SHISA6: variants seen among roughly 807,000 people sequenced by gnomAD.
SHISA6 encodes protein shisa-6.
SHISA6 carries 22 observed loss-of-function variants against 47.9 expected under a neutral mutation model. The observed-to-expected ratio is 0.46, with a 90% CI of 0.33 to 0.66. The LOEUF is 0.66. SHISA6 is among the 30% of genes least tolerant of loss of function. The pLI is 0.02. For synonymous variants in SHISA6, 388 were observed against 337.8 expected (o/e 1.15, Z -1.63); for missense variants, 680 against 764.6 (o/e 0.89, Z 1.30).
intron 2 of SHISA6, among the ~76,000 whole-genome samples, chr17:11,369,182 G>A (rs568776824): frequency 6.6e-6 from 1 of 152,266 alleles, no homozygotes; most frequent in Admixed American, 6.5e-5. Context: ...TGCAAGTATG[G>A]TGGAATGAAA....
In SHISA6 at chr17:11,342,558, C is replaced by T. The variant is rs557275697; in HGVS notation, c.800-36856C>T. On this transcript the variant is annotated intron_variant, in intron 2 of 5. Transcript: ENST00000441885. ...GATAGTAAGAGGATAAAGATGTTCC[C>T]AAATGCACTGATAAAGTTTTTAAAC... is the stretch of plus-strand genomic sequence containing the variant. Among the ~76,000 whole-genome samples the T allele has an allele frequency of 3.3e-5, 5 of 152,300 alleles. No individual in the cohort carries two copies. In the East Asian group the frequency reaches 7.7e-4, roughly 24 times the overall value.
intron 1 of SHISA6, among the ~76,000 whole-genome samples, chr17:11,249,257 C>A (rs1296428061): frequency 6.6e-6 from 1 of 151,900 alleles, no homozygotes; most frequent in East Asian, 1.9e-4. Context: ...CTGTGAGAGG[C>A]CAGAGACCTC....
At chr17:11,347,836 T>G (rs205048) in intron 2 of SHISA6, among the ~76,000 whole-genome samples, 2 of 152,234 alleles carry the variant, frequency 1.3e-5, no homozygotes, top group East Asian at 3.9e-4. Flanking sequence ...ACAGCTGAGG[T>G]CACTCAGAGC....
intron 2 of SHISA6, among the ~76,000 whole-genome samples, chr17:11,266,955 T>G (rs1485497037): frequency 6.6e-6 from 1 of 152,164 alleles, no homozygotes; most frequent in Non-Finnish European, 1.5e-5. Context: ...GCAGTAATAA[T>G]GAAAACAATA....
intron 3 of SHISA6, among the ~76,000 whole-genome samples, chr17:11,529,168 G>A (rs773925739): frequency 3.3e-5 from 5 of 151,628 alleles, no homozygotes; most frequent in African/African-American, 9.7e-5. Flanking sequence ...ACTCCAGCCT[G>A]GGTGACAGTG....
chr17:11,267,961 C>T (rs532938008), intron 2 of SHISA6, among the ~76,000 whole-genome samples: 1 of 152,270 alleles, frequency 6.6e-6, no homozygotes, highest in South Asian at 2.1e-4. Flanking sequence ...ACCTTAGAGG[C>T]TTGCTGTGGG....
At chr17:11,362,562 C>T (rs926397375) in intron 2 of SHISA6, among the ~76,000 whole-genome samples, 2 of 152,230 alleles carry the variant, frequency 1.3e-5, no homozygotes, top group Admixed American at 6.5e-5. Context: ...CGAAAGACCA[C>T]AGCCTTTGGA....
rs893603127 is a variant in SHISA6, at chr17:11,258,533, C to A, written c.639-4833C>A. Among the ~76,000 whole-genome samples, 4 of 152,210 alleles carry A rather than the reference C, an allele frequency of 2.6e-5. No homozygotes were observed. The East Asian group carries it at 7.7e-4, about 29-fold the overall frequency. ...TGGGACAAAAAATAATCCAAGTTTTCATTTTGGTGCTCTTTCACCATATTT... is the reference window on the plus strand; with the variant it reads ...TGGGACAAAAAATAATCCAAGTTTTAATTTTGGTGCTCTTTCACCATATTT... On this transcript the variant is annotated intron_variant, in intron 1 of 5. Transcript: ENST00000441885.
At chr17:11,428,777 T>TTC (rs764261936) in intron 3 of SHISA6, among the ~76,000 whole-genome samples, 2 of 146,252 alleles carry the variant, frequency 1.4e-5, no homozygotes, top group Non-Finnish European at 3.0e-5. Context: ...AGGATCCACT[T>TTC]TCTTTTTTTT....
At chr17:11,266,828 G>A (rs764572945) in intron 2 of SHISA6, among the ~76,000 whole-genome samples, 1 of 152,208 alleles carries the variant, frequency 6.6e-6, no homozygotes, top group Non-Finnish European at 1.5e-5. Flanking sequence ...CCTTCCTGTG[G>A]TTGGCTCCTG....
At chr17:11,392,540 C>G (rs1034864846) in intron 3 of SHISA6, among the ~76,000 whole-genome samples, 3 of 152,180 alleles carry the variant, frequency 2.0e-5, no homozygotes, top group African/African-American at 7.2e-5. Flanking sequence ...CATGTGATCT[C>G]CATACACACC....
intron 3 of SHISA6, among the ~76,000 whole-genome samples, chr17:11,531,758 G>A (rs1407722302): frequency 1.3e-5 from 2 of 152,162 alleles, no homozygotes; most frequent in African/African-American, 4.8e-5. Flanking sequence ...ATAAGCTTTA[G>A]TGATCCACTG....
At chr17:11,444,721 G>A (rs3111838) in intron 3 of SHISA6, among the ~76,000 whole-genome samples, 102,429 of 152,146 alleles carry the variant, frequency 0.67, 34,803 homozygotes, top group African/African-American at 0.75. Flanking sequence ...AGAAGGAACC[G>A]AGATTTATTT....
chr17:11,404,589 G>A (rs1913886090), intron 3 of SHISA6, among the ~76,000 whole-genome samples: 1 of 152,176 alleles, frequency 6.6e-6, no homozygotes, highest in South Asian at 2.1e-4. Context: ...TGCAGGCCAG[G>A]TGGTGAAGGA....
intron 3 of SHISA6, chr17:11,380,215 A>G (rs1443120680): frequency 6.6e-6 from 1 of 152,168 alleles, no homozygotes; most frequent in Non-Finnish European, 1.5e-5. Flanking sequence ...TACCGTCCCA[A>G]CACCTGTGTG....
intron 2 of SHISA6, among the ~76,000 whole-genome samples, chr17:11,305,955 G>A (rs969207798): frequency 1.1e-4 from 17 of 152,050 alleles, no homozygotes; most frequent in African/African-American, 3.6e-4. Context: ...CATAGTCAGC[G>A]CCTCTGAACA....
At chr17:11,378,119 C>CA (rs1912873795) in intron 2 of SHISA6, among the ~76,000 whole-genome samples, 1 of 152,150 alleles carries the variant, frequency 6.6e-6, no homozygotes, top group African/African-American at 2.4e-5. Flanking sequence ...AGTGGCATTA[C>CA]AAAAAATCAC....
chr17:11,287,452 G>A (rs925406691), intron 2 of SHISA6, among the ~76,000 whole-genome samples: 4 of 151,782 alleles, frequency 2.6e-5, no homozygotes, highest in African/African-American at 7.3e-5. Context: ...TTGGGAGTGC[G>A]AGGCAGGAGG....
At chr17:11,350,455 C>T (rs896394101) in intron 2 of SHISA6, among the ~76,000 whole-genome samples, 3 of 151,982 alleles carry the variant, frequency 2.0e-5, no homozygotes, top group African/African-American at 7.3e-5. Flanking sequence ...GCTGAGATTA[C>T]AGGCATGGGC....
Sources: gnomAD v4.1 joint callset for allele counts (sites outside exome capture counted in the v4.1 genomes callset) on GRCh38, gnomAD v4.1.1 for gene constraint, MANE v1.5 for transcripts, NCBI Gene and HGNC (gene_info 2026-07-23, HGNC 2026-07-21) for gene names.